Variants in GFRA2 observed in about 807,000 individuals in gnomAD.
GFRA2 encodes GDNF family receptor alpha 2, also known as GDNF family receptor alpha-2.
Under a neutral mutation model 48.3 loss-of-function variants are expected in GFRA2, and 17 were observed. That is an observed-to-expected ratio of 0.35 (90% CI 0.24 to 0.53). The LOEUF (loss-of-function observed/expected upper bound fraction) is 0.53, where lower values mean the gene tolerates loss of function less well. Among genes scored for constraint, GFRA2 ranks in the 20% least tolerant of loss-of-function variants. The pLI, the probability that GFRA2 is intolerant of heterozygous loss-of-function variation, is 0.93. For synonymous variants in GFRA2, 305 were observed against 257.2 expected, an observed-to-expected ratio of 1.19 and a Z score of -1.78; for missense variants, 660 against 637.3, an observed-to-expected ratio of 1.04 and a Z score of -0.38.
At chr8:21,700,036 A>G (rs1376863830) in intron 7 of GFRA2, among the ~76,000 whole-genome samples, 1 of 152,154 alleles carries the variant, frequency 6.6e-6, no homozygotes, top group East Asian at 1.9e-4. Context: ...GGAATCGGAG[A>G]AGGCATTCCC....
intron 3 of GFRA2, among the ~76,000 whole-genome samples, chr8:21,771,206 C>T (rs1487772918): frequency 1.3e-5 from 2 of 152,152 alleles, no homozygotes; most frequent in Admixed American, 1.3e-4. Context: ...CCCAAGATCA[C>T]ACACCCCTAA....
At chr8:21,772,276 C>T (rs1269119412) in intron 3 of GFRA2, among the ~76,000 whole-genome samples, 2 of 152,166 alleles carry the variant, frequency 1.3e-5, no homozygotes, top group Non-Finnish European at 2.9e-5. Flanking sequence ...GAGCTCCTCA[C>T]CATGGCCAGT....
chr8:21,708,594 A>C (rs1391704149), intron 4 of GFRA2, among the ~76,000 whole-genome samples: 1 of 152,224 alleles, frequency 6.6e-6, no homozygotes, highest in African/African-American at 2.4e-5. Context: ...GATGTAATCA[A>C]GTTAAGATGA....
At position 21,809,198 on chromosome 8, in the gene GFRA2, G is replaced by A. The variant is rs370101235; in HGVS notation, c.-148+3033C>T. 6.4e-4 allele frequency among the ~76,000 whole-genome samples: 98 copies of A among 152,318 alleles called. No individual in the cohort carries two copies. The East Asian group carries it at 7.3e-3, about 11-fold the overall frequency. Reference sequence around the variant, plus strand: ...TCCATGCTTTTTCCTGTTTGTCGCTGGCTGCTGTGGGAGGAACACTGAGGA... The same window carrying A: ...TCCATGCTTTTTCCTGTTTGTCGCTAGCTGCTGTGGGAGGAACACTGAGGA... On this transcript the variant is annotated intron_variant, in intron 1 of 10. Coordinates refer to the GFRA2 transcript ENST00000517328.
intron 4 of GFRA2, among the ~76,000 whole-genome samples, chr8:21,726,473 A>G (rs578189867): frequency 6.6e-6 from 1 of 152,250 alleles, no homozygotes; most frequent in South Asian, 2.1e-4. Flanking sequence ...GTTCTCTCAC[A>G]GTTCTGGAGG....
intron 2 of GFRA2, among the ~76,000 whole-genome samples, chr8:21,800,357 T>C (rs989423928): frequency 1.8e-4 from 28 of 152,354 alleles, no homozygotes; most frequent in African/African-American, 6.7e-4. Flanking sequence ...AAAAGGAATT[T>C]GAATGAGATC....
chr8:21,765,809 G>A (rs1282101440), intron 3 of GFRA2, among the ~76,000 whole-genome samples: 1 of 151,896 alleles, frequency 6.6e-6, no homozygotes, highest in African/African-American at 2.4e-5. Context: ...CTAGTAAATG[G>A]CACAAGCAGC....
intron 4 of GFRA2, among the ~76,000 whole-genome samples, chr8:21,709,543 G>A (rs1025993388): frequency 3.3e-5 from 5 of 152,208 alleles, no homozygotes; most frequent in South Asian, 2.1e-4. Context: ...AATGGCAAGC[G>A]TGGACGCAAC....
intron 4 of GFRA2, among the ~76,000 whole-genome samples, chr8:21,720,229 G>C (rs987590116): frequency 1.1e-4 from 17 of 152,340 alleles, no homozygotes; most frequent in African/African-American, 4.1e-4. Flanking sequence ...TTTAGGCTGA[G>C]CATGAACTTC....
At chr8:21,707,426 G>A (rs77298258) in intron 4 of GFRA2, among the ~76,000 whole-genome samples, 2,540 of 152,292 alleles carry the variant, frequency 0.017, 65 homozygotes, top group African/African-American at 0.058. Context: ...GCTTTCCACC[G>A]GAAGGTGCTG....
At chr8:21,729,672 C>T (rs772496262) in intron 4 of GFRA2, among the ~76,000 whole-genome samples, 61 of 152,286 alleles carry the variant, frequency 4.0e-4, no homozygotes, top group Non-Finnish European at 8.2e-4. Flanking sequence ...TTTCTCAAGC[C>T]CACACACACT....
In GFRA2 at chr8:21,782,666, C is replaced by T; in HGVS notation, c.274G>A (p.Asp92Asn). Residue 92 changes from aspartate (D) to asparagine (N), a missense_variant, in exon 2 of 9, where the codon GAC becomes AAC. Physicochemically the swap from Asp to Asn is conservative, Grantham distance 23. Transcript: ENST00000524240. Reference sequence around the variant, plus strand: ...TTCATGCCCCGCTTGCAGCGGCAGTCGTACAGCGGGCTCTCCTGCAAGACC... The same window carrying T: ...TTCATGCCCCGCTTGCAGCGGCAGTTGTACAGCGGGCTCTCCTGCAAGACC... Reference protein sequence around the residue: ...LEVLQESPLYDCRCKRGMKKE... With the variant: ...LEVLQESPLYNCRCKRGMKKE... The T allele has an allele frequency of 6.3e-7, 1 of 1,586,882 alleles. No homozygotes were observed. The highest frequency in any genetic ancestry group is 8.6e-7 in the Non-Finnish European group (1 of 1,167,220).
At chr8:21,706,810 G>A (rs75435843) in intron 4 of GFRA2, among the ~76,000 whole-genome samples, 1,870 of 152,318 alleles carry the variant, frequency 0.012, 26 homozygotes, top group African/African-American at 0.042. Flanking sequence ...AAGGCAGACA[G>A]TGTCTGAGCT....
At chr8:21,725,108 A>G (rs574542848) in intron 4 of GFRA2, among the ~76,000 whole-genome samples, 1 of 152,366 alleles carries the variant, frequency 6.6e-6, no homozygotes, top group Admixed American at 6.5e-5. Context: ...ACACATGAGC[A>G]TAGGATGTCA....
At chr8:21,798,246 T>A (rs1159997515) in intron 2 of GFRA2, among the ~76,000 whole-genome samples, 2 of 152,210 alleles carry the variant, frequency 1.3e-5, no homozygotes, top group Non-Finnish European at 2.9e-5. Flanking sequence ...GGGTTTGAGT[T>A]CTAGCTTTGA....
intron 3 of GFRA2, among the ~76,000 whole-genome samples, chr8:21,764,583 TTC>T (rs1187316903): frequency 6.6e-6 from 1 of 152,238 alleles, no homozygotes; most frequent in Non-Finnish European, 1.5e-5. Context: ...CAGCTCTGCC[TTC>T]TCTCTGTTAG....
chr8:21,783,052 C>G (rs1260250195), intron 1 of GFRA2, 153 bp from the exon 2 acceptor site: 4 of 752,080 alleles, frequency 5.3e-6, no homozygotes, highest in South Asian at 1.5e-5. Context: ...CTCCTCATAC[C>G]CCAGGGAGAA....
intron 4 of GFRA2, among the ~76,000 whole-genome samples, chr8:21,722,711 C>A (rs538591823): frequency 5.9e-5 from 9 of 152,220 alleles, no homozygotes; most frequent in South Asian, 4.1e-4. Context: ...CTTTCCCCCC[C>A]AGTCAGAGGC....
chr8:21,759,710 G>A (rs1315071557), intron 3 of GFRA2, among the ~76,000 whole-genome samples: 1 of 151,790 alleles, frequency 6.6e-6, no homozygotes, highest in African/African-American at 2.4e-5. Context: ...CCAACAGAGT[G>A]AAACCCCATC....
Sources: allele counts gnomAD v4.1 joint callset (sites outside exome capture counted in the v4.1 genomes callset), GRCh38; gene constraint gnomAD v4.1.1; transcripts MANE v1.5; gene names NCBI Gene and HGNC (gene_info 2026-07-23, HGNC 2026-07-21).